Variants in CELF1 observed in about 807,000 individuals in gnomAD.
The protein encoded by CELF1 is CUGBP Elav-like family member 1, also known as 50 kDa nuclear polyadenylated RNA-binding protein.
A neutral mutation model predicts 61.8 loss-of-function variants in CELF1; 10 were observed. The observed-to-expected ratio is 0.16, with a 90% CI of 0.10 to 0.27. The LOEUF is 0.27. CELF1 is among the 10% of genes least tolerant of loss of function. The probability of loss-of-function intolerance (pLI) is 1.00; values close to 1 mark genes in which losing one functional copy is unlikely to be tolerated. For missense variants in CELF1, 380 were observed against 639.1 expected (o/e 0.59, Z 4.37); for synonymous variants, 236 against 225.1 (o/e 1.05, Z -0.43).
chr11:47,541,434 T>C (rs2096770397), intron 1 of CELF1, among the ~76,000 whole-genome samples: 1 of 152,062 alleles, frequency 6.6e-6, no homozygotes, highest in Non-Finnish European at 1.5e-5. Context: ...CTCACACTTG[T>C]AATCCCAGCA....
chr11:47,477,023 A>AGT (rs765586535), intron 11 of CELF1, 64 bp from the exon 12 acceptor site: 66 of 1,332,476 alleles, frequency 5.0e-5, no homozygotes, highest in Non-Finnish European at 6.2e-5. Flanking sequence ...TACAAGAAAA[A>AGT]GTGTCACTAT....
chr11:47,494,508 T>TA (rs760581773), intron 3 of CELF1: 8 of 981,240 alleles, frequency 8.2e-6, no homozygotes, highest in Non-Finnish European at 9.7e-6. Context: ...AAAGAGCTGT[T>TA]ATTTTCAAAG....
At chr11:47,487,341 G>A in intron 4 of CELF1, 100 bp from the exon 5 acceptor site, 1 of 852,622 alleles carries the variant, frequency 1.2e-6, no homozygotes, top group Non-Finnish European at 1.8e-6. Context: ...AAGAGGGCTG[G>A]GTTTATTAAA....
In CELF1 at chr11:47,488,148, C is replaced by A. The variant is rs11039260; in HGVS notation, c.259+689G>T. On this transcript the variant is annotated intron_variant, in intron 4 of 14. Coordinates refer to ENST00000687097, the MANE Select transcript of CELF1 (RefSeq NM_001376376.1). The stretch of plus-strand genomic sequence containing the variant: ...TGCTTACATTTGCACTGTTGGACAG[C>A]TTTCACAGAAAATTATTTGAAAACT... Among the ~76,000 whole-genome samples, 1,272 of 152,280 alleles carry A rather than the reference C, an allele frequency of 8.4e-3. 137 individuals carry two copies. The East Asian group carries it at 0.2, about 24-fold the overall frequency.
intron 2 of CELF1, among the ~76,000 whole-genome samples, chr11:47,500,430 G>A (rs2093751122): frequency 6.6e-6 from 1 of 152,134 alleles, no homozygotes; most frequent in African/African-American, 2.4e-5. Context: ...GTAATATTCT[G>A]CTTCTTACTA....
At chr11:47,489,935 G>GTTTTTGTTT (rs1555170253) in intron 3 of CELF1, among the ~76,000 whole-genome samples, 1 of 48,226 alleles carries the variant, frequency 2.1e-5, no homozygotes, top group Admixed American at 3.0e-4. Flanking sequence ...ATACCATCTT[G>GTTTTTGTTT]TTTTTTTTTT....
chr11:47,487,103 T>G, intron 5 of CELF1, 56 bp downstream of exon 5: 1 of 1,305,062 alleles, frequency 7.7e-7, no homozygotes, highest in Non-Finnish European at 1.1e-6. Context: ...TATGTGTAAG[T>G]ATATCCCACA....
intron 2 of CELF1, among the ~76,000 whole-genome samples, chr11:47,564,019 C>CAAA (rs2097235515): frequency 6.7e-6 from 1 of 148,808 alleles, no homozygotes; most frequent in Non-Finnish European, 1.5e-5. Context: ...AACAAACAAA[C>CAAA]AAACAAAATC....
chr11:47,492,646 C>G lies in CELF1; in HGVS notation c.72-3622G>C, dbSNP rs142573304. On this transcript the variant is annotated intron_variant, in intron 3 of 14. Transcript: ENST00000687097. Reference sequence around the variant, plus strand: ...ACTCGGGAGGCTAAGGCACAAGAATCGCTTGAACCTGGGAGGTGGAGGTTG... The same window carrying G: ...ACTCGGGAGGCTAAGGCACAAGAATGGCTTGAACCTGGGAGGTGGAGGTTG... Among the ~76,000 whole-genome samples the G allele has an allele frequency of 6.0e-3, 918 of 152,190 alleles. 9 individuals are homozygous for G. Among genetic ancestry groups the G allele is most frequent in the African/African-American group, 0.021 (881 of 41,514 alleles).
In CELF1 at chr11:47,480,605, T is replaced by C. The variant is rs566044477; in HGVS notation, c.769-1653A>G. 2.8e-4 allele frequency among the ~76,000 whole-genome samples: 42 copies of C among 152,298 alleles called. No individual in the cohort carries two copies. The South Asian group carries it at 8.7e-3, about 32-fold the overall frequency. On this transcript the variant is annotated intron_variant, in intron 9 of 14. Coordinates refer to ENST00000687097, the MANE Select transcript of CELF1 (RefSeq NM_001376376.1). ...AGGTTAACCTTCCCTAAAGGGGGGC[T>C]CCAAAAGTCTCTAAGAAAAGCAAAT...
chr11:47,506,114 T>C (rs1387134368), intron 1 of CELF1, among the ~76,000 whole-genome samples: 1 of 149,884 alleles, frequency 6.7e-6, no homozygotes, highest in Non-Finnish European at 1.5e-5. Context: ...ATACTAATGA[T>C]AGCCGATGAG....
At chr11:47,556,904 T>G (rs1467362159), upstream of CELF1, among the ~76,000 whole-genome samples, 1 of 152,062 alleles carries the variant, frequency 6.6e-6, no homozygotes, top group African/African-American at 2.4e-5. Context: ...ATTTATTTAT[T>G]TATTATTTAT....
intron 3 of CELF1, among the ~76,000 whole-genome samples, chr11:47,498,068 TAGTAGTAA>T (rs947142262): frequency 6.6e-6 from 1 of 152,206 alleles, no homozygotes; most frequent in Admixed American, 6.5e-5. Context: ...AATAAAATTT[TAGTAGTAA>T]AGAACTCTCA....
Position 47,469,830 on chromosome 11 carries a change from G to A in CELF1, c.*2400C>T, listed in dbSNP as rs1002392300. The A allele has an allele frequency of 6.6e-6, 1 of 152,218 alleles. No individual in the cohort carries two copies. Among genetic ancestry groups the A allele is most frequent in the Admixed American group, 6.5e-5 (1 of 15,272 alleles). 9.4% of individuals were successfully genotyped at this position (152,218 alleles called of 1,614,324 possible). A position where few individuals can be genotyped will look rare whatever the true frequency, so the allele number is the denominator to read the frequency against. On this transcript the variant is annotated 3_prime_UTR_variant, in exon 15 of 15. Coordinates refer to ENST00000687097, the MANE Select transcript of CELF1 (RefSeq NM_001376376.1). The stretch of plus-strand genomic sequence containing the variant: ...TGGCCTCTTATGTCATTAGGAAAGG[G>A]GTTTCATAAGGTCCCAGAGCCCAGG...
At chr11:47,478,273 A>C (rs956390781) in intron 10 of CELF1, among the ~76,000 whole-genome samples, 1 of 152,214 alleles carries the variant, frequency 6.6e-6, no homozygotes, top group African/African-American at 2.4e-5. Context: ...GCCTAGCCTA[A>C]ATCCAATGCA....
At chr11:47,488,816 A>G (rs2153474268) in intron 4 of CELF1, 21 bp downstream of exon 4, 1 of 1,424,288 alleles carries the variant, frequency 7.0e-7, no homozygotes, top group East Asian at 2.7e-5. Flanking sequence ...AATAAGATAA[A>G]CCAAAACCCA....
At chr11:47,475,588 T>C (rs183797664) in intron 12 of CELF1, 67 bp from the exon 13 acceptor site, 4 of 1,518,730 alleles carry the variant, frequency 2.6e-6, no homozygotes, top group South Asian at 2.3e-5. Flanking sequence ...ACAAGTCTAC[T>C]TGGGACATCT....
At chr11:47,549,338 T>C (rs2097072263) in intron 1 of CELF1, among the ~76,000 whole-genome samples, 1 of 152,190 alleles carries the variant, frequency 6.6e-6, no homozygotes, top group Admixed American at 6.6e-5. Context: ...AAACAACTGA[T>C]ATTGTTCCAG....
At chr11:47,487,999 T>C (rs1406510387) in intron 4 of CELF1, among the ~76,000 whole-genome samples, 1 of 152,208 alleles carries the variant, frequency 6.6e-6, no homozygotes, top group Non-Finnish European at 1.5e-5. Context: ...GAAGGTTATA[T>C]TGCCAGTCAT....
Sources: gnomAD v4.1 joint callset for allele counts (sites outside exome capture counted in the v4.1 genomes callset) on GRCh38, gnomAD v4.1.1 for gene constraint, MANE v1.5 for transcripts, NCBI Gene and HGNC (gene_info 2026-07-23, HGNC 2026-07-21) for gene names.